The following SHC2 variants were observed in gnomAD, a reference collection of about 807,000 sequenced individuals.
The protein encoded by SHC2 is SHC adaptor protein 2.
SHC2 carries 62 observed loss-of-function variants against 60.6 expected under a neutral mutation model. That is an observed-to-expected ratio of 1.02 (90% confidence interval 0.83 to 1.26). The LOEUF is 1.26. SHC2 is among the 50% of genes most tolerant of loss of function. The pLI, the probability that SHC2 is intolerant of heterozygous loss-of-function variation, is 0.00. For missense variants in SHC2, 873 were observed against 822.2 expected (o/e 1.06, Z -0.76); for synonymous variants, 375 against 372.4 (o/e 1.01, Z -0.08).
At chr19:442,978 G>GGTGA (rs1439371187) in intron 1 of SHC2, among the ~76,000 whole-genome samples, 9 of 120,214 alleles carry the variant, frequency 7.5e-5, no homozygotes, top group Admixed American at 3.3e-4. Context: ...TGGATGGGTG[G>GGTGA]ATGGATGGAT....
rs1253290383 is a variant in SHC2 at position 440,695 on chromosome 19, A to G, written c.539+167T>C. Among the ~76,000 whole-genome samples, 1 of 152,184 alleles carries G rather than the reference A, an allele frequency of 6.6e-6. No homozygotes were observed. The highest frequency in any genetic ancestry group is 1.5e-5 in the Non-Finnish European group (1 of 68,024). On this transcript the variant is annotated intron_variant, in intron 2 of 12. Transcript: ENST00000264554. The surrounding 1 kb of genome is among the most constrained non-coding windows in gnomAD (Gnocchi z 7.0). ...ACGGTGACCGACACCTGGCGTGGGG[A>G]CAGGGCGGAGACGTGGCGTGAAGTG...
At chr19:436,515 G>T in intron 5 of SHC2, 84 bp from the exon 6 acceptor site, 2 of 1,586,522 alleles carry the variant, frequency 1.3e-6, no homozygotes, top group Non-Finnish European at 1.7e-6. Flanking sequence ...GCAGAGAGAT[G>T]GGGCAGTGGA....
chr19:422,330 T>G lies in SHC2; in HGVS notation c.1436A>C (p.Glu479Ala). 6.2e-7 allele frequency: 1 copy of G among 1,610,456 alleles called. No individual in the cohort carries two copies. Among genetic ancestry groups the G allele is most frequent in the African/African-American group, 1.3e-5 (1 of 74,976 alleles). The change falls in exon 11 of 13, where the codon GAG becomes GCG. Residue 479 changes from glutamate to alanine, a missense_variant. Coordinates refer to ENST00000264554, the MANE Select transcript of SHC2 (RefSeq NM_012435.3). This position sits in a 1 kb window ranked among gnomAD's most constrained non-coding sequence, Gnocchi z 5.0. ...CCAGGGCTCCTGACGCAGCTGTTCC[T>G]CCGTGGGGGCCACAGGGGCCCGGCG... is the stretch of plus-strand genomic sequence containing the variant. ...PTRRAPVAPTEEQLRQEPWYH... is the reference protein window; with the variant it reads ...PTRRAPVAPTAEQLRQEPWYH...
chr19:436,158 T>C lies in SHC2; in HGVS notation c.953+7A>G, dbSNP rs1974711185. 6.2e-7 allele frequency: 1 copy of C among 1,610,968 alleles called. No individual in the cohort carries two copies. The highest frequency in any genetic ancestry group is 8.5e-7 in the Non-Finnish European group (1 of 1,179,258). On this transcript the variant is annotated splice_region_variant and intron_variant, in intron 7 of 12. Transcript: ENST00000264554. ...CCCCAGGGCACGGGGGAGGCAGCTC[T>C]GGTTACCTTTCTGGGGGCAGCGCCA...
At chr19:431,202 C>T (rs1974579916) in intron 8 of SHC2, among the ~76,000 whole-genome samples, 2 of 152,194 alleles carry the variant, frequency 1.3e-5, no homozygotes, top group Non-Finnish European at 2.9e-5. Flanking sequence ...TATTTAGTGT[C>T]TGAGGGTAGA....
At chr19:450,420 G>A (rs1305405009) in intron 1 of SHC2, among the ~76,000 whole-genome samples, 3 of 152,080 alleles carry the variant, frequency 2.0e-5, no homozygotes, top group Non-Finnish European at 2.9e-5. Context: ...GCGCATTCCC[G>A]TGGCTGTGCA....
At chr19:458,310 T>C (rs1344693072) in intron 1 of SHC2, among the ~76,000 whole-genome samples, 1 of 105,632 alleles carries the variant, frequency 9.5e-6, no homozygotes, top group Non-Finnish European at 1.9e-5. Flanking sequence ...CGGAAGCGGG[T>C]CTTGGGGAGG....
Position 440,288 on chromosome 19 carries a change from T to C in SHC2, c.539+574A>G, listed in dbSNP as rs756946500. Among the ~76,000 whole-genome samples, 4 of 152,040 alleles carry C rather than the reference T, an allele frequency of 2.6e-5. No homozygotes were observed. Among genetic ancestry groups the C allele is most frequent in the Non-Finnish European group, 4.4e-5 (3 of 68,002 alleles). ...AATGAGAATGTTCGGAACTAGACAG[T>C]GGTGATCGTGTGACTCTGTGAAGAG... On this transcript the variant is annotated intron_variant, in intron 2 of 12. Coordinates refer to ENST00000264554, the MANE Select transcript of SHC2 (RefSeq NM_012435.3). The surrounding 1 kb of genome is among the most constrained non-coding windows in gnomAD (Gnocchi z 7.0).
At chr19:437,047 A>C (rs573781249) in intron 4 of SHC2, among the ~76,000 whole-genome samples, 7 of 151,764 alleles carry the variant, frequency 4.6e-5, no homozygotes, top group East Asian at 3.9e-4. Flanking sequence ...ACACACACAC[A>C]CCCGAAGCAG....
chr19:450,633 A>G (rs919805368), intron 1 of SHC2, among the ~76,000 whole-genome samples: 4 of 152,192 alleles, frequency 2.6e-5, no homozygotes, highest in African/African-American at 9.7e-5. Flanking sequence ...AGACATCCTC[A>G]AGGTCCGTCC....
chr19:457,060 C>T (rs1975362424), intron 1 of SHC2, among the ~76,000 whole-genome samples: 1 of 151,480 alleles, frequency 6.6e-6, no homozygotes, highest in Non-Finnish European at 1.5e-5. Context: ...CCTGCTGTGC[C>T]CCGCCTAGAA....
intron 1 of SHC2, among the ~76,000 whole-genome samples, chr19:448,177 C>A (rs4919861): frequency 0.37 from 56,050 of 151,908 alleles, 10,456 homozygotes; most frequent in South Asian, 0.56. Flanking sequence ...GGGAAATAAA[C>A]AGAGCTTTAC....
chr19:419,177 G>T, intron 11 of SHC2, 121 bp from the exon 12 acceptor site: 1 of 1,154,924 alleles, frequency 8.7e-7, no homozygotes, highest in South Asian at 1.9e-5. Context: ...CGAGGGGCCG[G>T]ACCAGGGAAT....
chr19:434,515 AGCCT>A (rs201975961), intron 8 of SHC2, among the ~76,000 whole-genome samples, 190 bp downstream of exon 8: 18 of 63,812 alleles, frequency 2.8e-4, no homozygotes, highest in African/African-American at 4.6e-4. Flanking sequence ...TGAGATCGTG[AGCCT>A]GTGAGATTGT....
At chr19:459,881 T>A (rs1291707950) in intron 1 of SHC2, among the ~76,000 whole-genome samples, 1 of 152,064 alleles carries the variant, frequency 6.6e-6, no homozygotes, top group East Asian at 1.9e-4. Context: ...CCCCTGCAGG[T>A]GACTTCACAC....
intron 1 of SHC2, among the ~76,000 whole-genome samples, chr19:455,374 A>G (rs965428002): frequency 4.6e-5 from 7 of 152,194 alleles, no homozygotes; most frequent in Admixed American, 1.3e-4. Context: ...AAATGGGTGG[A>G]AGCCGCAGGG....
chr19:450,649 G>A (rs548633833), intron 1 of SHC2, among the ~76,000 whole-genome samples: 21 of 152,188 alleles, frequency 1.4e-4, no homozygotes, highest in African/African-American at 1.9e-4. Context: ...CGTCCGTGCC[G>A]TGGCCTGGGT....
In SHC2 at chr19:425,128, C is replaced by G; in HGVS notation, c.1278G>C (p.Glu426Asp). The G allele has an allele frequency of 7.1e-7, 1 of 1,404,158 alleles. No individual in the cohort carries two copies. Among genetic ancestry groups the G allele is most frequent in the Non-Finnish European group, 9.3e-7 (1 of 1,071,024 alleles). The allele number at this position is 1,404,158 out of a possible 1,614,324, so 87.0% of individuals were successfully genotyped here. ...CAAACAGATCCTTTTTGGGGCTGTC[C>G]TCCGGCTCGGGGGCGTCCAGACCCT... ...NTQGLDAPEPEDSPKKDLFDM... is the reference protein window; with the variant it reads ...NTQGLDAPEPDDSPKKDLFDM... The change falls in exon 10 of 13, where the codon GAG becomes GAC. Residue 426 changes from glutamate (E) to aspartate (D), a missense_variant. Transcript: ENST00000264554. This position sits in a 1 kb window ranked among gnomAD's most constrained non-coding sequence, Gnocchi z 4.1.
chr19:437,684 A>G (rs1277943060), intron 4 of SHC2, among the ~76,000 whole-genome samples: 2 of 151,764 alleles, frequency 1.3e-5, no homozygotes, highest in Non-Finnish European at 2.9e-5. Flanking sequence ...CGCCAGCTCC[A>G]TCCTTCTCTA....
Sources: gnomAD v4.1 joint callset for allele counts (sites outside exome capture counted in the v4.1 genomes callset) on GRCh38, gnomAD v4.1.1 for gene constraint, Gnocchi (gnomAD v3.1) non-coding constraint, MANE v1.5 for transcripts, NCBI Gene and HGNC (gene_info 2026-07-23, HGNC 2026-07-21) for gene names.